ZNF676: variants seen among roughly 807,000 people sequenced by gnomAD.
ZNF676 encodes zinc finger protein 676.
ZNF676 carries 4 observed loss-of-function variants against 6.0 expected under a neutral mutation model. The observed-to-expected ratio is 0.67, with a 90% CI of 0.33 to 1.53. The LOEUF (loss-of-function observed/expected upper bound fraction) is 1.53. ZNF676 is among the 40% of genes most tolerant of loss of function. The pLI is 0.06. For missense variants in ZNF676, 644 were observed against 679.7 expected (o/e 0.95, Z 0.58); for synonymous variants, 198 against 223.1 (o/e 0.89, Z 1.00).
the ZNF676 span, among the ~76,000 whole-genome samples, chr19:22,257,552 C>T: frequency 6.6e-6 from 1 of 152,076 alleles, no homozygotes; most frequent in East Asian, 1.9e-4. Context: ...TAATAATGTC[C>T]CTGGGGGCAG....
At chr19:22,209,509 G>A (rs1383687198) in intron 1 of ZNF676, among the ~76,000 whole-genome samples, 2 of 151,926 alleles carry the variant, frequency 1.3e-5, no homozygotes, top group Non-Finnish European at 2.9e-5. Flanking sequence ...GAGGGTGGGA[G>A]GACTAAAAGG....
chr19:22,231,793 G>A, the ZNF676 span, among the ~76,000 whole-genome samples: 1 of 151,784 alleles, frequency 6.6e-6, no homozygotes, highest in Admixed American at 6.6e-5. Flanking sequence ...AGTTGAGACG[G>A]GTTTTCACCA....
chr19:22,235,017 AAAGAAAGAAAG>A, the ZNF676 span, among the ~76,000 whole-genome samples: 8,512 of 104,010 alleles, frequency 0.082, 541 homozygotes, highest in South Asian at 0.098. Flanking sequence ...AGAAAGAAAG[AAAGAAAGAAAG>A]AAAGAAAAGA....
chr19:22,190,184 T>C (rs1346105699), intron 2 of ZNF676, among the ~76,000 whole-genome samples: 1 of 152,088 alleles, frequency 6.6e-6, no homozygotes, highest in Non-Finnish European at 1.5e-5. Context: ...TGGAATACTA[T>C]GCAGCCATAA....
the ZNF676 span, chr19:22,243,641 G>T: frequency 6.7e-6 from 1 of 150,054 alleles, no homozygotes; most frequent in Non-Finnish European, 1.5e-5. Flanking sequence ...TGAGGGCTTT[G>T]TAGAGTGTGC....
chr19:22,259,324 A>G, the ZNF676 span, among the ~76,000 whole-genome samples: 32 of 152,178 alleles, frequency 2.1e-4, no homozygotes, highest in African/African-American at 7.5e-4. Context: ...GCTGTATGTC[A>G]CAACCAGCCC....
the ZNF676 span, among the ~76,000 whole-genome samples, chr19:22,253,645 A>C: frequency 6.6e-6 from 1 of 151,934 alleles, no homozygotes; most frequent in Non-Finnish European, 1.5e-5. Flanking sequence ...GGTAGAAAGG[A>C]TCTAACTTGC....
chr19:22,232,187 T>C, the ZNF676 span, among the ~76,000 whole-genome samples: 34 of 151,438 alleles, frequency 2.2e-4, no homozygotes, highest in Admixed American at 9.9e-4. Flanking sequence ...CTTTTTTTTT[T>C]AGACGGAGTC....
chr19:22,199,953 C>A (rs1421642505), upstream of ZNF676, among the ~76,000 whole-genome samples: 2 of 152,086 alleles, frequency 1.3e-5, no homozygotes, highest in Non-Finnish European at 2.9e-5. Context: ...CAACAGTATT[C>A]ATGACCCAAA....
chr19:22,242,868 A>G, the ZNF676 span, among the ~76,000 whole-genome samples: 2 of 151,514 alleles, frequency 1.3e-5, no homozygotes, highest in South Asian at 2.1e-4. Flanking sequence ...ATGAGAAGGG[A>G]GTTACATTAT....
In ZNF676 at chr19:22,196,717, T is replaced by C; in HGVS notation, c.-84A>G. 2.5e-6 allele frequency: 4 copies of C among 1,607,878 alleles called. No homozygotes were observed. The highest frequency in any genetic ancestry group is 3.4e-6 in the Non-Finnish European group (4 of 1,174,620). On this transcript the variant is annotated 5_prime_UTR_variant, in exon 1 of 3. The change abolishes the stop of an existing upstream ORF in the 5' untranslated region. Transcript: ENST00000397121. ...AATTCTATGGCCACATCCCTAAATG[T>C]CAATGCTCCCTGGAAAACACACACA...
At chr19:22,188,178 T>G (rs1315010439) in intron 2 of ZNF676, among the ~76,000 whole-genome samples, 2 of 151,976 alleles carry the variant, frequency 1.3e-5, no homozygotes, top group Non-Finnish European at 2.9e-5. Flanking sequence ...TCAAGTTGGC[T>G]TCATCCCTGG....
At chr19:22,188,753 A>G (rs561414704) in intron 2 of ZNF676, among the ~76,000 whole-genome samples, 1 of 152,298 alleles carries the variant, frequency 6.6e-6, no homozygotes, top group East Asian at 1.9e-4. Flanking sequence ...CCCATTTACA[A>G]TTGCTACAAA....
chr19:22,248,953 C>T, the ZNF676 span, among the ~76,000 whole-genome samples: 1 of 152,186 alleles, frequency 6.6e-6, no homozygotes, highest in African/African-American at 2.4e-5. Flanking sequence ...TGGTCTCGAA[C>T]TCCTGACCTC....
At chr19:22,241,049 A>G in the ZNF676 span, among the ~76,000 whole-genome samples, 1 of 151,954 alleles carries the variant, frequency 6.6e-6, no homozygotes, top group Non-Finnish European at 1.5e-5. Flanking sequence ...GCAGGGCCTG[A>G]CAGTGCATCA....
chr19:22,187,542 C>CA (rs1568527718), intron 2 of ZNF676, among the ~76,000 whole-genome samples: 2 of 149,430 alleles, frequency 1.3e-5, no homozygotes, highest in Admixed American at 6.6e-5. Flanking sequence ...GAGATAGACA[C>CA]AAAAAACCCT....
the ZNF676 span, among the ~76,000 whole-genome samples, chr19:22,258,850 C>T: frequency 6.6e-6 from 1 of 152,204 alleles, no homozygotes; most frequent in African/African-American, 2.4e-5. Context: ...CACTCAAGTG[C>T]TGGACAAAGG....
the ZNF676 span, among the ~76,000 whole-genome samples, chr19:22,222,664 ATCT>A: frequency 0.42 from 64,095 of 151,638 alleles, 14,324 homozygotes; most frequent in African/African-American, 0.57. Context: ...AGGGGTAAAA[ATCT>A]TCTTCTGTTG....
At chr19:22,238,763 C>T in the ZNF676 span, among the ~76,000 whole-genome samples, 2 of 152,168 alleles carry the variant, frequency 1.3e-5, no homozygotes, top group African/African-American at 4.8e-5. Context: ...AGTTCCAAAA[C>T]TGAAGAACTT....
Sources: allele counts gnomAD v4.1 joint callset (sites outside exome capture counted in the v4.1 genomes callset), GRCh38; gene constraint gnomAD v4.1.1; transcripts MANE v1.5; gene names NCBI Gene and HGNC (gene_info 2026-07-23, HGNC 2026-07-21).